Variants in CDH18 observed in about 807,000 individuals in gnomAD.
CDH18 encodes the protein cadherin 18.
CDH18 carries 31 observed loss-of-function variants against 67.9 expected under a neutral mutation model. The ratio of observed to expected loss-of-function variants is 0.46; its 90% confidence interval spans 0.34 to 0.62. The LOEUF is 0.62. CDH18 is among the 20% of genes least tolerant of loss of function. CDH18 has a pLI of 0.01. For synonymous variants in CDH18, 362 were observed against 347.2 expected (o/e 1.04, Z -0.48); for missense variants, 890 against 975.5 (o/e 0.91, Z 1.17).
At chr5:19,983,860 A>G (rs1799301361) in intron 1 of CDH18, among the ~76,000 whole-genome samples, 2 of 152,212 alleles carry the variant, frequency 1.3e-5, no homozygotes, top group African/African-American at 4.8e-5. Context: ...AAAAGATTGT[A>G]ATAAGGGATT....
At chr5:19,770,113 C>T (rs956839924) in intron 3 of CDH18, among the ~76,000 whole-genome samples, 4 of 151,842 alleles carry the variant, frequency 2.6e-5, no homozygotes, top group African/African-American at 4.8e-5. Context: ...TTATATATTG[C>T]AGATAGATTG....
At position 20,447,405 on chromosome 5, in the gene CDH18, T is replaced by C. The variant is rs971452424; in HGVS notation, c.-580+128057A>G. ...AAAAAAAAAAAAGGGCTACACACAG[T>C]GTCCACAGTGTGTCTTGCTTTTCTG... On this transcript the variant is annotated intron_variant, in intron 1 of 14. Transcript: ENST00000507958. Among the ~76,000 whole-genome samples the C allele has an allele frequency of 2.6e-5, 4 of 151,264 alleles. No homozygotes were observed. The Middle Eastern group carries it at 0.011, about 399-fold the overall frequency.
chr5:19,865,633 T>G (rs1475237341), intron 2 of CDH18, among the ~76,000 whole-genome samples: 3 of 152,044 alleles, frequency 2.0e-5, no homozygotes, highest in Non-Finnish European at 2.9e-5. Context: ...ACCACCCAGG[T>G]GCTTAATGCT....
intron 3 of CDH18, among the ~76,000 whole-genome samples, chr5:19,813,405 T>C (rs1778953475): frequency 6.6e-6 from 1 of 152,084 alleles, no homozygotes; most frequent in African/African-American, 2.4e-5. Flanking sequence ...GAAAAGAAGA[T>C]AAATATGATA....
At chr5:20,541,265 C>T (rs1757033886) in intron 1 of CDH18, among the ~76,000 whole-genome samples, 1 of 152,084 alleles carries the variant, frequency 6.6e-6, no homozygotes. Flanking sequence ...TCTCTGCCTA[C>T]TTAGAAAGCT....
chr5:19,717,942 T>C (rs1301708623), intron 5 of CDH18, among the ~76,000 whole-genome samples: 1 of 152,024 alleles, frequency 6.6e-6, no homozygotes, highest in Non-Finnish European at 1.5e-5. Flanking sequence ...TGGTACACAC[T>C]GAACACAAAT....
At chr5:20,562,617 T>C (rs1485423638) in intron 1 of CDH18, among the ~76,000 whole-genome samples, 1 of 151,702 alleles carries the variant, frequency 6.6e-6, no homozygotes, top group Admixed American at 6.6e-5. Context: ...AATGCTATAA[T>C]TACTGTCTTG....
intron 2 of CDH18, among the ~76,000 whole-genome samples, chr5:19,934,358 T>G (rs1794018307): frequency 6.6e-6 from 1 of 151,456 alleles, no homozygotes; most frequent in Non-Finnish European, 1.5e-5. Flanking sequence ...TTCAGATTTC[T>G]GGGTCTAAGC....
At chr5:19,474,624 C>A (rs1366881133) in intron 12 of CDH18, among the ~76,000 whole-genome samples, 1 of 152,044 alleles carries the variant, frequency 6.6e-6, no homozygotes, top group Non-Finnish European at 1.5e-5. Context: ...AAGATAAGAT[C>A]ACACAGATGG....
At chr5:20,172,056 C>T (rs1020103518) in intron 2 of CDH18, among the ~76,000 whole-genome samples, 37 of 149,704 alleles carry the variant, frequency 2.5e-4, no homozygotes, top group African/African-American at 8.9e-4. Flanking sequence ...TTTCTTGGCT[C>T]TCTATTCTGG....
chr5:20,230,814 G>A (rs955011550), intron 2 of CDH18, among the ~76,000 whole-genome samples: 18 of 151,968 alleles, frequency 1.2e-4, no homozygotes, highest in African/African-American at 4.4e-4. Context: ...TATAGCAAAG[G>A]CTCCAAAAAC....
intron 2 of CDH18, among the ~76,000 whole-genome samples, chr5:19,867,742 T>G (rs1785724826): frequency 7.9e-6 from 1 of 127,218 alleles, no homozygotes; most frequent in Non-Finnish European, 1.7e-5. Flanking sequence ...TTGCAAAAAA[T>G]CAGTGTTTCT....
chr5:20,015,095 G>C lies in CDH18; in HGVS notation c.-517-23081C>G, dbSNP rs114065598. ...GGGAACAGTAGTAGAATAAGCCAGG[G>C]TTTTCTATAGGGTTTCTAGTAATCT... On this transcript the variant is annotated intron_variant, in intron 2 of 14. Transcript: ENST00000507958. Among the ~76,000 whole-genome samples the C allele has an allele frequency of 4.4e-3, 676 of 152,190 alleles. 3 individuals carry two copies. Among genetic ancestry groups the C allele is most frequent in the African/African-American group, 0.015 (638 of 41,538 alleles).
intron 2 of CDH18, among the ~76,000 whole-genome samples, chr5:20,018,277 T>C (rs910753400): frequency 2.0e-5 from 3 of 152,196 alleles, no homozygotes; most frequent in African/African-American, 7.2e-5. Flanking sequence ...CTGTATTACA[T>C]TGATACAGGT....
chr5:19,607,527 C>A (rs1748248033), intron 6 of CDH18, among the ~76,000 whole-genome samples: 1 of 149,118 alleles, frequency 6.7e-6, no homozygotes, highest in Non-Finnish European at 1.5e-5. Context: ...GAATGGAGGA[C>A]AAAATGAATG....
chr5:19,565,750 A>T (rs1255515773), intron 8 of CDH18, among the ~76,000 whole-genome samples: 1 of 152,182 alleles, frequency 6.6e-6, no homozygotes, highest in Non-Finnish European at 1.5e-5. Flanking sequence ...AAGTCTATGA[A>T]CTCACACTGT....
chr5:20,431,511 A>AAGAAGG, intron 1 of CDH18, among the ~76,000 whole-genome samples: 1 of 150,250 alleles, frequency 6.7e-6, no homozygotes, highest in Non-Finnish European at 1.5e-5. Context: ...AAAAAAGAAG[A>AAGAAGG]AGAAAAGAAG....
intron 1 of CDH18, among the ~76,000 whole-genome samples, chr5:20,490,363 A>T (rs1753517139): frequency 1.3e-5 from 2 of 152,118 alleles, no homozygotes; most frequent in South Asian, 4.1e-4. Flanking sequence ...TCTAGATAAT[A>T]GAATGAGACA....
At chr5:19,675,023 G>T (rs2150362743) in intron 5 of CDH18, among the ~76,000 whole-genome samples, 1 of 152,196 alleles carries the variant, frequency 6.6e-6, no homozygotes, top group Middle Eastern at 3.4e-3. Flanking sequence ...ACAAAAGAGA[G>T]AAATTTTAAA....
Sources: gnomAD v4.1 joint callset for allele counts (sites outside exome capture counted in the v4.1 genomes callset) on GRCh38, gnomAD v4.1.1 for gene constraint, MANE v1.5 for transcripts, NCBI Gene and HGNC (gene_info 2026-07-23, HGNC 2026-07-21) for gene names.